Variants in ATG5 observed in about 807,000 individuals in gnomAD.
ATG5 encodes the protein autophagy related 5.
A neutral mutation model predicts 36.5 loss-of-function variants in ATG5; 14 were observed. That is an observed-to-expected ratio of 0.38 (90% CI 0.25 to 0.60). The LOEUF (loss-of-function observed/expected upper bound fraction) is 0.60. Among genes scored for constraint, ATG5 ranks in the 20% least tolerant of loss-of-function variants. The probability of loss-of-function intolerance (pLI) is 0.60; values close to 1 mark genes in which losing one functional copy is unlikely to be tolerated. For missense variants in ATG5, 195 were observed against 326.7 expected (o/e 0.60, Z 3.11); for synonymous variants, 95 against 101.5 (o/e 0.94, Z 0.38).
intron 5 of ATG5, among the ~76,000 whole-genome samples, chr6:106,266,482 TCCCTAACTCATTTTATGAGG>T (rs537573505): frequency 0.01 from 1,558 of 152,262 alleles, 26 homozygotes; most frequent in African/African-American, 0.035. Flanking sequence ...GAGGGACTCC[TCCCTAACTCATTTTATGAGG>T]CCCTAACTCA....
chr6:106,228,757 G>A lies in ATG5; in HGVS notation c.573+19393C>T, dbSNP rs562271967. 2.6e-5 allele frequency among the ~76,000 whole-genome samples: 4 copies of A among 152,244 alleles called. No homozygotes were observed. In the South Asian group the frequency reaches 8.3e-4, roughly 32 times the overall value. On this transcript the variant is annotated intron_variant, in intron 6 of 7. Coordinates refer to ENST00000369076, the MANE Select transcript of ATG5 (RefSeq NM_004849.4). Reference sequence around the variant, plus strand: ...TCCCTTAGAATTGGAGGAAAATACTGGGCACCTGTCGGCCGGTTAAAAACG... The same window carrying A: ...TCCCTTAGAATTGGAGGAAAATACTAGGCACCTGTCGGCCGGTTAAAAACG...
intron 3 of ATG5, among the ~76,000 whole-genome samples, chr6:106,298,148 A>G (rs1293265062): frequency 1.3e-5 from 2 of 151,866 alleles, no homozygotes; most frequent in African/African-American, 4.8e-5. Context: ...TATTTTTAGT[A>G]GAGATGGGGT....
intron 1 of ATG5, among the ~76,000 whole-genome samples, chr6:106,324,446 G>A (rs538617496): frequency 6.6e-6 from 1 of 152,204 alleles, no homozygotes; most frequent in South Asian, 2.1e-4. Context: ...AGATGCCGAG[G>A]GACAGGAAAG....
chr6:106,263,392 G>C (rs887370826), intron 5 of ATG5, among the ~76,000 whole-genome samples: 1 of 152,222 alleles, frequency 6.6e-6, no homozygotes, highest in Non-Finnish European at 1.5e-5. Context: ...AGCACCTGGG[G>C]GAAGGGGCGG....
At chr6:106,266,534 C>T (rs1315982227) in intron 5 of ATG5, among the ~76,000 whole-genome samples, 1 of 152,260 alleles carries the variant, frequency 6.6e-6, no homozygotes, top group East Asian at 1.9e-4. Flanking sequence ...CAAAACCTGG[C>T]AGAGACACAA....
intron 6 of ATG5, among the ~76,000 whole-genome samples, chr6:106,205,116 C>G (rs532702426): frequency 6.6e-6 from 1 of 152,228 alleles, no homozygotes; most frequent in East Asian, 1.9e-4. Context: ...CTTTTTCTGA[C>G]GACTAATGGA....
At chr6:106,251,152 C>A (rs1212077644) in intron 5 of ATG5, among the ~76,000 whole-genome samples, 1 of 152,206 alleles carries the variant, frequency 6.6e-6, no homozygotes, top group Non-Finnish European at 1.5e-5. Context: ...GCATGGGCTG[C>A]CCATCTGTGG....
chr6:106,206,254 T>A (rs1201240716), intron 6 of ATG5, among the ~76,000 whole-genome samples: 1 of 16,018 alleles, frequency 6.2e-5, no homozygotes, highest in East Asian at 1.7e-3. Context: ...TCTGCCATGT[T>A]GGGGGGGTGG....
intron 6 of ATG5, among the ~76,000 whole-genome samples, chr6:106,223,522 A>G (rs1777329929): frequency 6.6e-6 from 1 of 152,200 alleles, no homozygotes; most frequent in Admixed American, 6.5e-5. Flanking sequence ...TGCCCCCTAC[A>G]GGACTCAATT....
intron 7 of ATG5, among the ~76,000 whole-genome samples, chr6:106,199,521 G>A (rs1776338229): frequency 1.3e-5 from 2 of 152,314 alleles, no homozygotes; most frequent in African/African-American, 4.8e-5. Flanking sequence ...TATAGAGACA[G>A]AAAACAGACC....
chr6:106,195,336 T>TAC (rs1776131600), intron 7 of ATG5, among the ~76,000 whole-genome samples: 1 of 152,174 alleles, frequency 6.6e-6, no homozygotes, highest in African/African-American at 2.4e-5. Flanking sequence ...CACCCAATCT[T>TAC]AAAGTCTTTC....
At chr6:106,317,974 C>T (rs1770918641) in intron 1 of ATG5, among the ~76,000 whole-genome samples, 9 of 152,154 alleles carry the variant, frequency 5.9e-5, no homozygotes, top group Admixed American at 5.2e-4. Flanking sequence ...TCAACAGCTG[C>T]AACTGAGATT....
chr6:106,263,863 A>G (rs1779123495), intron 5 of ATG5, among the ~76,000 whole-genome samples: 2 of 149,564 alleles, frequency 1.3e-5, no homozygotes, highest in African/African-American at 4.9e-5. Flanking sequence ...AAAGGTAGAT[A>G]AATCCACAAA....
At chr6:106,239,740 C>T (rs1467191094) in intron 6 of ATG5, among the ~76,000 whole-genome samples, 5 of 152,250 alleles carry the variant, frequency 3.3e-5, no homozygotes, top group Admixed American at 6.5e-5. Flanking sequence ...CTATGGCCCA[C>T]TGGCCAAATT....
At chr6:106,272,068 C>T (rs1249944525) in intron 5 of ATG5, among the ~76,000 whole-genome samples, 1 of 152,198 alleles carries the variant, frequency 6.6e-6, no homozygotes, top group African/African-American at 2.4e-5. Flanking sequence ...CCTTTCCCAA[C>T]AAAGTCCTTT....
At chr6:106,316,312 A>G (rs1562272557) in intron 1 of ATG5, 46 bp from the exon 2 acceptor site, 2 of 663,262 alleles carry the variant, frequency 3.0e-6, no homozygotes, top group East Asian at 6.0e-5. Flanking sequence ...GCAACGATGA[A>G]TGAACCTGCT....
intron 1 of ATG5, chr6:106,325,205 A>G (rs530200807): frequency 6.6e-6 from 1 of 152,326 alleles, no homozygotes; most frequent in Admixed American, 6.5e-5. Context: ...GGTTTAAATA[A>G]CTGTGTTCCA....
At chr6:106,275,215 A>G (rs1779594855) in intron 5 of ATG5, among the ~76,000 whole-genome samples, 1 of 152,194 alleles carries the variant, frequency 6.6e-6, no homozygotes, top group Non-Finnish European at 1.5e-5. Context: ...GAAAACATCC[A>G]CCTTTTACCC....
chr6:106,230,174 CTAA>C (rs1777620240), intron 6 of ATG5, among the ~76,000 whole-genome samples: 1 of 152,178 alleles, frequency 6.6e-6, no homozygotes, highest in Non-Finnish European at 1.5e-5. Flanking sequence ...GAAAAATTGC[CTAA>C]TAATTGGTCT....
Sources: gnomAD v4.1 joint callset for allele counts (sites outside exome capture counted in the v4.1 genomes callset) on GRCh38, gnomAD v4.1.1 for gene constraint, MANE v1.5 for transcripts, NCBI Gene and HGNC (gene_info 2026-07-23, HGNC 2026-07-21) for gene names.